Variants in NHEJ1 observed in about 807,000 individuals in gnomAD.
The protein encoded by NHEJ1 is non-homologous end joining factor 1.
NHEJ1 carries 22 observed loss-of-function variants against 39.4 expected under a neutral mutation model. The observed-to-expected ratio is 0.56, with a 90% CI of 0.40 to 0.80. NHEJ1 has a LOEUF of 0.80. Among genes scored for constraint, NHEJ1 ranks in the 30% least tolerant of loss-of-function variants. The pLI, the probability that NHEJ1 is intolerant of heterozygous loss-of-function variation, is 0.00. For missense variants in NHEJ1, 329 were observed against 357.1 expected (o/e 0.92, Z 0.63); for synonymous variants, 154 against 135.6 (o/e 1.14, Z -0.94).
rs2106339851 is a variant in NHEJ1 at position 219,111,991 on chromosome 2, CTTAAAAGGGGAAT to C, written c.589-33798_589-33786del. 6.6e-6 allele frequency among the ~76,000 whole-genome samples: 1 copy of C among 152,232 alleles called. No homozygotes were observed. Among genetic ancestry groups the C allele is most frequent in the African/African-American group, 2.4e-5 (1 of 41,536 alleles). On this transcript the variant is annotated intron_variant, in intron 5 of 7. Transcript: ENST00000356853. The surrounding 1 kb of genome is among the most constrained non-coding windows in gnomAD (Gnocchi z 4.1). ...CTGGTAGGTCAAAGTTCCCAAAAGC[CTTAAAAGGGGAAT>C]TTCTAGGAAAGCAAATAAGGCAGTC...
chr2:219,157,150 T>C (rs1402771311), intron 3 of NHEJ1, among the ~76,000 whole-genome samples: 2 of 152,218 alleles, frequency 1.3e-5, no homozygotes, highest in African/African-American at 4.8e-5. Context: ...AATTTCCTGT[T>C]TGTCTGTCTT....
Position 219,157,529 on chromosome 2 carries a change from C to T in NHEJ1, c.333G>A (p.Glu111=), listed in dbSNP as rs1277835050. 6.2e-7 allele frequency: 1 copy of T among 1,614,064 alleles called. No individual in the cohort carries two copies. The highest frequency in any genetic ancestry group is 1.3e-5 in the African/African-American group (1 of 74,944). Residue 111 remains glutamate, a synonymous_variant, in exon 3 of 8, where the codon GAG becomes GAA. Coordinates refer to ENST00000356853, the MANE Select transcript of NHEJ1 (RefSeq NM_024782.3). ...ADALILRVRS[E]LSGLPFYWNF... ...TCCAATAGAAGGGGAGGCCAGAGAG[C>T]TCACTTCGCACCCGTAGAATCAGTG...
intron 5 of NHEJ1, among the ~76,000 whole-genome samples, chr2:219,087,453 G>A (rs533990873): frequency 1.3e-5 from 2 of 151,818 alleles, no homozygotes; most frequent in East Asian, 3.9e-4. Context: ...TTGATTTAGA[G>A]TACCCTGCAG....
At chr2:219,160,603 C>G (rs1269120449) in intron 1 of NHEJ1, 117 bp downstream of exon 1, 3 of 151,756 alleles carry the variant, frequency 2.0e-5, no homozygotes, top group Non-Finnish European at 4.4e-5. Flanking sequence ...CTGCCCTGGA[C>G]CCCGGCAGCG....
At position 219,072,006 on chromosome 2, in the gene NHEJ1, G is replaced by C. The variant is rs1035246391; in HGVS notation, c.*4375C>G. 2.0e-5 allele frequency among the ~76,000 whole-genome samples: 3 copies of C among 152,074 alleles called. No homozygotes were observed. The highest frequency in any genetic ancestry group is 4.4e-5 in the Non-Finnish European group (3 of 67,976). The stretch of plus-strand genomic sequence containing the variant: ...CCAGAGCTGAGAGGATACATAAAAG[G>C]CCACCACAAAAAAAGTCTCAGAAGA... On this transcript the variant is annotated 3_prime_UTR_variant, in exon 8 of 8. Transcript: ENST00000356853.
At chr2:219,091,903 C>G (rs1381527074) in intron 5 of NHEJ1, among the ~76,000 whole-genome samples, 2 of 152,158 alleles carry the variant, frequency 1.3e-5, no homozygotes, top group South Asian at 4.1e-4. Flanking sequence ...GTCCTGAGAG[C>G]AGAATCCGGG....
At chr2:219,141,329 G>A (rs558114114) in intron 5 of NHEJ1, among the ~76,000 whole-genome samples, 1 of 151,202 alleles carries the variant, frequency 6.6e-6, no homozygotes. Context: ...ACAGTGAGCC[G>A]AGATTGTGCC....
At position 219,072,833 on chromosome 2, in the gene NHEJ1, G is replaced by C. The variant is rs1348799680; in HGVS notation, c.*3548C>G. 2.0e-5 allele frequency among the ~76,000 whole-genome samples: 3 copies of C among 152,182 alleles called. No individual in the cohort carries two copies. On this transcript the variant is annotated 3_prime_UTR_variant, in exon 8 of 8. Coordinates refer to ENST00000356853, the MANE Select transcript of NHEJ1 (RefSeq NM_024782.3). ...TGTAAGTAGGAGAAAATGAGAGACA[G>C]AATAAACAGAGAGAGGAAAATGCTC...
At chr2:219,088,008 T>G (rs1949127751) in intron 5 of NHEJ1, among the ~76,000 whole-genome samples, 1 of 152,138 alleles carries the variant, frequency 6.6e-6, no homozygotes. Flanking sequence ...TTGAGAAAAT[T>G]AAAACCACAA....
intron 5 of NHEJ1, among the ~76,000 whole-genome samples, chr2:219,140,131 A>G (rs573982170): frequency 6.6e-6 from 1 of 152,392 alleles, no homozygotes; most frequent in East Asian, 1.9e-4. Flanking sequence ...GCCTAAAGGC[A>G]GTGTTAGAGT....
At chr2:219,104,035 A>G (rs1368740939) in intron 5 of NHEJ1, among the ~76,000 whole-genome samples, 1 of 150,820 alleles carries the variant, frequency 6.6e-6, no homozygotes, top group Admixed American at 6.6e-5. Flanking sequence ...TTACCCAAAC[A>G]TTTTTTTTTG....
intron 5 of NHEJ1, among the ~76,000 whole-genome samples, chr2:219,136,499 G>C (rs1559199400): frequency 6.6e-6 from 1 of 152,062 alleles, no homozygotes; most frequent in Non-Finnish European, 1.5e-5. Context: ...ATGTTAGCCA[G>C]GCTGGTCTCG....
At chr2:219,081,720 A>G (rs1054494394) in intron 5 of NHEJ1, among the ~76,000 whole-genome samples, 22 of 152,256 alleles carry the variant, frequency 1.4e-4, no homozygotes, top group Non-Finnish European at 7.3e-5. Flanking sequence ...TTGCTCTAAC[A>G]GAATTCTCAA....
At chr2:219,158,437 T>C in intron 1 of NHEJ1, 75 bp from the exon 2 acceptor site, 1 of 1,392,300 alleles carries the variant, frequency 7.2e-7, no homozygotes, top group Admixed American at 1.7e-5. Flanking sequence ...CAAACCAGTC[T>C]GTATCAACTA....
chr2:219,095,122 T>A (rs143177390), intron 5 of NHEJ1, among the ~76,000 whole-genome samples: 2 of 152,274 alleles, frequency 1.3e-5, no homozygotes, highest in Non-Finnish European at 2.9e-5. Flanking sequence ...ATTGGTCCCA[T>A]CCTAGAAGGT....
intron 5 of NHEJ1, among the ~76,000 whole-genome samples, chr2:219,103,275 T>A (rs1027107655): frequency 1.2e-4 from 19 of 152,008 alleles, no homozygotes; most frequent in Non-Finnish European, 2.6e-4. Flanking sequence ...TTAACTTTTT[T>A]ATTTTTTCTT....
intron 5 of NHEJ1, among the ~76,000 whole-genome samples, chr2:219,085,149 T>C (rs1949100393): frequency 6.6e-6 from 1 of 152,262 alleles, no homozygotes; most frequent in South Asian, 2.1e-4. Context: ...AAATGGTTTT[T>C]GATGGGATTA....
At chr2:219,154,861 T>C (rs1301288834) in intron 3 of NHEJ1, among the ~76,000 whole-genome samples, 6 of 147,360 alleles carry the variant, frequency 4.1e-5, no homozygotes, top group South Asian at 2.1e-4. Flanking sequence ...TATTATATTG[T>C]ATTATATATA....
chr2:219,125,048 AC>A (rs1359586147), intron 5 of NHEJ1, among the ~76,000 whole-genome samples: 1 of 152,042 alleles, frequency 6.6e-6, no homozygotes, highest in Non-Finnish European at 1.5e-5. Context: ...GAGCCACTTG[AC>A]CATCTTCTCA....
Sources: gnomAD v4.1 joint callset for allele counts (sites outside exome capture counted in the v4.1 genomes callset) on GRCh38, gnomAD v4.1.1 for gene constraint, Gnocchi (gnomAD v3.1) non-coding constraint, MANE v1.5 for transcripts, NCBI Gene and HGNC (gene_info 2026-07-23, HGNC 2026-07-21) for gene names.